SLC1A2: variants seen among roughly 807,000 people sequenced by gnomAD.
The protein encoded by SLC1A2 is excitatory amino acid transporter 2.
A neutral mutation model predicts 48.8 loss-of-function variants in SLC1A2; 15 were observed. That is an observed-to-expected ratio of 0.31 (90% CI 0.21 to 0.47). The LOEUF (loss-of-function observed/expected upper bound fraction) is 0.47. Ranked by LOEUF, SLC1A2 falls within the 20% of genes least tolerant of loss-of-function variation. SLC1A2 has a pLI of 0.99. For synonymous variants in SLC1A2, 279 were observed against 272.6 expected, an observed-to-expected ratio of 1.02 and a Z score of -0.23; for missense variants, 502 against 730.5, an observed-to-expected ratio of 0.69 and a Z score of 3.61.
chr11:35,290,323 A>G (rs12576364), intron 7 of SLC1A2, among the ~76,000 whole-genome samples: 39,240 of 152,026 alleles, frequency 0.26, 5,224 homozygotes, highest in Admixed American at 0.3. Context: ...TGGCTAGGAC[A>G]GGGTGGGGTT....
At chr11:35,365,476 A>T (rs2135144822) in intron 1 of SLC1A2, among the ~76,000 whole-genome samples, 1 of 152,256 alleles carries the variant, frequency 6.6e-6, no homozygotes, top group African/African-American at 2.4e-5. Context: ...ATCTGCTCCT[A>T]GGAACCCAAA....
chr11:35,351,669 T>C (rs1435856621), intron 1 of SLC1A2, among the ~76,000 whole-genome samples: 1 of 152,222 alleles, frequency 6.6e-6, no homozygotes, highest in East Asian at 1.9e-4. Flanking sequence ...AGAGTCTTGC[T>C]CTGTTGCCCA....
intron 1 of SLC1A2, among the ~76,000 whole-genome samples, chr11:35,364,566 C>T (rs571479233): frequency 3.9e-5 from 6 of 152,272 alleles, no homozygotes; most frequent in African/African-American, 4.8e-5. Context: ...TCCAGCAAAG[C>T]AATTACTTGC....
chr11:35,289,869 C>G (rs1025109878), intron 7 of SLC1A2, among the ~76,000 whole-genome samples: 7 of 152,082 alleles, frequency 4.6e-5, no homozygotes, highest in African/African-American at 1.4e-4. Flanking sequence ...ACTTGTGACA[C>G]ATGAGCTAAT....
chr11:35,261,024 T>C, intron 10 of SLC1A2, 59 bp from the exon 11 acceptor site: 1 of 1,241,144 alleles, frequency 8.1e-7, no homozygotes. Flanking sequence ...AAAAGCCCTG[T>C]GGGTTATGTG....
At chr11:35,312,043 G>T in intron 4 of SLC1A2, 155 bp downstream of exon 4, 1 of 723,218 alleles carries the variant, frequency 1.4e-6, no homozygotes, top group Non-Finnish European at 2.3e-6. Flanking sequence ...CCAAGATCCT[G>T]CCCTAAACCA....
At chr11:35,298,737 C>G (rs185351176) in intron 6 of SLC1A2, 26 of 152,338 alleles carry the variant, frequency 1.7e-4, no homozygotes, top group Middle Eastern at 3.4e-3. Context: ...ATTCATACCA[C>G]CACCCTCCAT....
At chr11:35,391,913 T>C (rs955259372) in intron 1 of SLC1A2, among the ~76,000 whole-genome samples, 19 of 152,182 alleles carry the variant, frequency 1.2e-4, no homozygotes, top group African/African-American at 3.9e-4. Context: ...TAGGAAAGAT[T>C]GCAAATATTT....
chr11:35,343,802 A>G (rs531864265), intron 1 of SLC1A2, among the ~76,000 whole-genome samples: 6 of 152,092 alleles, frequency 3.9e-5, no homozygotes, highest in African/African-American at 1.4e-4. Context: ...ACACACACAC[A>G]GAGGCACACA....
At chr11:35,303,528 G>GAGGA (rs1276136118) in intron 5 of SLC1A2, among the ~76,000 whole-genome samples, 1 of 152,220 alleles carries the variant, frequency 6.6e-6, no homozygotes, top group Non-Finnish European at 1.5e-5. Flanking sequence ...AGCCCATGGA[G>GAGGA]AGGAGTCTGC....
At chr11:35,358,045 T>A (rs1853545229) in intron 1 of SLC1A2, among the ~76,000 whole-genome samples, 1 of 151,746 alleles carries the variant, frequency 6.6e-6, no homozygotes. Context: ...CTTGGGAGGC[T>A]AAGGCAGTAG....
intron 1 of SLC1A2, among the ~76,000 whole-genome samples, chr11:35,382,114 C>T (rs1854442494): frequency 6.6e-6 from 1 of 152,152 alleles, no homozygotes; most frequent in Admixed American, 6.5e-5. Context: ...TGCAAGATGA[C>T]ACAGAAACTA....
At chr11:35,320,508 T>A (rs1487112758) in intron 1 of SLC1A2, among the ~76,000 whole-genome samples, 1 of 152,234 alleles carries the variant, frequency 6.6e-6, no homozygotes, top group Non-Finnish European at 1.5e-5. Context: ...GGCCGAGACC[T>A]GAGTCAGCTC....
chr11:35,269,214 G>C (rs1445444986), intron 9 of SLC1A2, among the ~76,000 whole-genome samples: 3 of 152,176 alleles, frequency 2.0e-5, no homozygotes, highest in Non-Finnish European at 4.4e-5. Context: ...ACCAGACACA[G>C]AATCTCCCAG....
intron 1 of SLC1A2, among the ~76,000 whole-genome samples, chr11:35,326,939 T>A (rs1383019392): frequency 6.6e-6 from 1 of 152,072 alleles, no homozygotes; most frequent in African/African-American, 2.4e-5. Flanking sequence ...TCCCCCAAAA[T>A]AGAATTGTCT....
intron 1 of SLC1A2, among the ~76,000 whole-genome samples, chr11:35,348,207 C>T (rs537326706): frequency 1.2e-4 from 18 of 151,376 alleles, no homozygotes; most frequent in African/African-American, 4.1e-4. Context: ...GGTGCAATGG[C>T]CAAAGCAGTC....
chr11:35,367,705 A>G (rs1208667333), intron 1 of SLC1A2, among the ~76,000 whole-genome samples: 4 of 152,210 alleles, frequency 2.6e-5, no homozygotes, highest in Non-Finnish European at 5.9e-5. Flanking sequence ...ACAGGCTATC[A>G]CAGCATTTCT....
chr11:35,362,951 G>A (rs779950823), intron 1 of SLC1A2, among the ~76,000 whole-genome samples: 6 of 152,170 alleles, frequency 3.9e-5, no homozygotes, highest in Non-Finnish European at 5.9e-5. Flanking sequence ...TTCACATTTG[G>A]CTTGTTTGAA....
intron 10 of SLC1A2, chr11:35,261,581 T>C (rs1261187843): frequency 5.0e-6 from 2 of 397,858 alleles, no homozygotes; most frequent in Non-Finnish European, 8.9e-6. Flanking sequence ...AGACCATCTA[T>C]ATTATGCTTC....
Sources: gnomAD v4.1 joint callset for allele counts (sites outside exome capture counted in the v4.1 genomes callset) on GRCh38, gnomAD v4.1.1 for gene constraint, MANE v1.5 for transcripts, NCBI Gene and HGNC (gene_info 2026-07-23, HGNC 2026-07-21) for gene names.